Variants in HSPB2 observed in about 807,000 individuals in gnomAD.
The protein encoded by HSPB2 is heat shock protein beta-2.
Under a neutral mutation model 14.1 loss-of-function variants are expected in HSPB2, and 14 were observed. The ratio of observed to expected loss-of-function variants is 0.99; its 90% CI spans 0.66 to 1.55. The LOEUF (loss-of-function observed/expected upper bound fraction) is 1.55. HSPB2 is among the 40% of genes most tolerant of loss of function. The pLI, the probability that HSPB2 is intolerant of heterozygous loss-of-function variation, is 0.00. For missense variants in HSPB2, 242 were observed against 241.7 expected, an observed-to-expected ratio of 1.00 and a Z score of -0.01; for synonymous variants, 110 against 103.4, an observed-to-expected ratio of 1.06 and a Z score of -0.39.
At chr11:111,913,193 C>A (rs901721845) in intron 1 of HSPB2, 1 of 604,144 alleles carries the variant, frequency 1.7e-6, no homozygotes, top group African/African-American at 1.9e-5. Context: ...CCACCCAGGC[C>A]GTTTGGTGCC....
chr11:111,913,228 T>C (rs1965528481), intron 1 of HSPB2: 1 of 547,776 alleles, frequency 1.8e-6, no homozygotes, highest in Non-Finnish European at 3.3e-6. Flanking sequence ...CTCCTCCTCC[T>C]TCTCCTCCTC....
chr11:111,912,961 A>G (rs782311907), intron 1 of HSPB2, 38 bp downstream of exon 1: 1 of 857,380 alleles, frequency 1.2e-6, no homozygotes, highest in Non-Finnish European at 1.4e-6. Flanking sequence ...CCCCACCCCC[A>G]CCCCCTGAAA....
At position 111,912,943 on chromosome 11, in the gene HSPB2, C is replaced by T. The variant is rs782623643; in HGVS notation, c.94+20C>T. 2.0e-6 allele frequency: 3 copies of T among 1,527,644 alleles called. No homozygotes were observed. Among genetic ancestry groups the T allele is most frequent in the African/African-American group, 2.8e-5 (2 of 71,376 alleles). 94.6% of individuals were successfully genotyped at this position (1,527,644 alleles called of 1,614,324 possible). ...GAGAAGGTATGGCACAGACACCACC[C>T]CCTTGCCCCCCACCCCCACCCCCTG... On this transcript the variant is annotated intron_variant, in intron 1 of 1. Transcript: ENST00000304298.
Position 111,913,889 on chromosome 11 carries a change from G to A in HSPB2, c.543G>A (p.Glu181=), listed in dbSNP as rs587644541. The A allele has an allele frequency of 6.2e-7, 1 of 1,604,518 alleles. No homozygotes were observed. Among genetic ancestry groups the A allele is most frequent in the East Asian group, 2.2e-5 (1 of 44,820 alleles). ...PEEEEEAAIV[E]P is the part of the protein sequence containing the mutation. ...AAGAGGAGGAGGCAGCCATAGTTGAGCCCTGATTGCCACAGACCCAGCACC... is the reference window on the plus strand; with the variant it reads ...AAGAGGAGGAGGCAGCCATAGTTGAACCCTGATTGCCACAGACCCAGCACC... Residue 181 remains glutamate, a synonymous_variant, in exon 2 of 2, where the codon GAG becomes GAA. Transcript: ENST00000304298.
At position 111,912,743 on chromosome 11, in the gene HSPB2, A is replaced by C; in HGVS notation, c.-87A>C. 2 of 826,542 alleles carry C rather than the reference A, an allele frequency of 2.4e-6. No individual in the cohort carries two copies. Among genetic ancestry groups the C allele is most frequent in the South Asian group, 1.5e-5 (1 of 64,638 alleles). 51.2% of individuals were successfully genotyped at this position (826,542 alleles called of 1,614,324 possible). On this transcript the variant is annotated 5_prime_UTR_variant, in exon 1 of 2. Coordinates refer to ENST00000304298, the MANE Select transcript of HSPB2 (RefSeq NM_001541.4). ...TCGACCCCGCCCCCACCTCCTATCG[A>C]GCCCTGGCTCTCCGGGCAGCTGGAG...
Position 111,912,825 on chromosome 11 carries a change from C to T in HSPB2, c.-5C>T. ...CGGACCAGGGCTTCTGCTGCATCTGCAGCCATGTCGGGCCGCTCAGTGCCA... is the reference window on the plus strand; with the variant it reads ...CGGACCAGGGCTTCTGCTGCATCTGTAGCCATGTCGGGCCGCTCAGTGCCA... On this transcript the variant is annotated 5_prime_UTR_variant, in exon 1 of 2. Transcript: ENST00000304298. 6.3e-7 allele frequency: 1 copy of T among 1,597,540 alleles called. No individual in the cohort carries two copies. The highest frequency in any genetic ancestry group is 8.5e-7 in the Non-Finnish European group (1 of 1,173,634).
chr11:111,913,865 A>C lies in HSPB2; in HGVS notation c.519A>C (p.Glu173Asp). 6.2e-7 allele frequency: 1 copy of C among 1,612,240 alleles called. No homozygotes were observed. The highest frequency in any genetic ancestry group is 8.5e-7 in the Non-Finnish European group (1 of 1,179,168). The stretch of plus-strand genomic sequence containing the variant: ...TCCCTGCGCCTCCTGATCCAGAGGA[A>C]GAGGAGGAGGCAGCCATAGTTGAGC... The part of the protein sequence containing the change: ...SLLPAPPDPE[E>D]EEEAAIVEP Residue 173 changes from glutamate (E) to aspartate (D), a missense_variant, in exon 2 of 2, where the codon GAA (glutamate) becomes GAC (aspartate). Glu to Asp is a conservative substitution (Grantham distance 45, BLOSUM62 2). Transcript: ENST00000304298.
At position 111,913,677 on chromosome 11, in the gene HSPB2, G is replaced by A. The variant is rs4252589; in HGVS notation, c.331G>A (p.Gly111Ser). 11,622 of 1,614,132 alleles carry A rather than the reference G, an allele frequency of 7.2e-3. 70 individuals are homozygous for A. Among genetic ancestry groups the A allele is most frequent in the Non-Finnish European group, 7.3e-3 (8,556 of 1,180,032 alleles). ...ARHPQRLDRH[G>S]FVSREFCRTY... ...GCACCCCCAGCGCCTGGACCGCCAC[G>A]GCTTCGTGTCCCGAGAGTTCTGCCG... The change falls in exon 2 of 2, where the codon GGC (glycine) becomes AGC (serine). Residue 111 changes from glycine (G) to serine (S), a missense_variant. Coordinates refer to ENST00000304298, the MANE Select transcript of HSPB2 (RefSeq NM_001541.4).
At position 111,914,017 on chromosome 11, in the gene HSPB2, T is replaced by C. The variant is rs782323035; in HGVS notation, c.*122T>C. On this transcript the variant is annotated 3_prime_UTR_variant, in exon 2 of 2. Transcript: ENST00000304298. Reference sequence around the variant, plus strand: ...AGGGAAAGGTGCATGGTCCACAATGTATGGTTTGGTCCCATGGGACATGTC... The same window carrying C: ...AGGGAAAGGTGCATGGTCCACAATGCATGGTTTGGTCCCATGGGACATGTC... The C allele has an allele frequency of 1.1e-5, 10 of 886,510 alleles. No homozygotes were observed. Among genetic ancestry groups the C allele is most frequent in the Non-Finnish European group, 1.7e-5 (10 of 593,856 alleles). 54.9% of individuals were successfully genotyped at this position (886,510 alleles called of 1,614,324 possible).
Sources: gnomAD v4.1 joint callset for allele counts on GRCh38, gnomAD v4.1.1 for gene constraint, MANE v1.5 for transcripts, NCBI Gene and HGNC (gene_info 2026-07-23, HGNC 2026-07-21) for gene names.